GPC6: variants seen among roughly 807,000 people sequenced by gnomAD.
The protein encoded by GPC6 is glypican 6.
A neutral mutation model predicts 55.2 loss-of-function variants in GPC6; 14 were observed. That is an observed-to-expected ratio of 0.25 (90% CI 0.17 to 0.40). The LOEUF is 0.40. Among genes scored for constraint, GPC6 ranks in the 10% least tolerant of loss-of-function variants. The pLI is 1.00. For synonymous variants in GPC6, 278 were observed against 259.6 expected, an observed-to-expected ratio of 1.07 and a Z score of -0.68; for missense variants, 641 against 708.5, an observed-to-expected ratio of 0.90 and a Z score of 1.08.
intron 3 of GPC6, among the ~76,000 whole-genome samples, chr13:93,999,954 AT>A (rs1371060584): frequency 6.6e-6 from 1 of 152,192 alleles, no homozygotes; most frequent in African/African-American, 2.4e-5. Context: ...TTTTTTCCTC[AT>A]TTGGCAATTT....
intron 2 of GPC6, among the ~76,000 whole-genome samples, chr13:93,812,150 G>C (rs1005913447): frequency 1.8e-5 from 2 of 112,072 alleles, no homozygotes; most frequent in African/African-American, 3.4e-5. Flanking sequence ...GGTGGGGGGG[G>C]GGGCGGGGGG....
At chr13:93,553,384 G>A (rs1018297315) in intron 2 of GPC6, among the ~76,000 whole-genome samples, 2 of 152,000 alleles carry the variant, frequency 1.3e-5, no homozygotes, top group East Asian at 1.9e-4. Context: ...GGAATACTGC[G>A]ATGGGCAGGT....
chr13:94,370,631 A>G (rs1879500092), intron 6 of GPC6, among the ~76,000 whole-genome samples: 1 of 152,328 alleles, frequency 6.6e-6, no homozygotes, highest in Non-Finnish European at 1.5e-5. Flanking sequence ...GTTGAATGTT[A>G]TTGAATTTTT....
chr13:93,437,803 A>AT (rs1349836445), intron 1 of GPC6, among the ~76,000 whole-genome samples: 1 of 152,188 alleles, frequency 6.6e-6, no homozygotes, highest in East Asian at 1.9e-4. Context: ...TAAACAACAG[A>AT]TTTTCAATAT....
intron 1 of GPC6, among the ~76,000 whole-genome samples, chr13:93,270,830 T>C (rs1334275076): frequency 1.3e-5 from 2 of 152,084 alleles, no homozygotes; most frequent in East Asian, 3.9e-4. Flanking sequence ...TTCCATAGTT[T>C]AGCACCAGAT....
chr13:93,603,073 C>T (rs1878090081), intron 2 of GPC6, among the ~76,000 whole-genome samples: 2 of 151,794 alleles, frequency 1.3e-5, no homozygotes, highest in African/African-American at 2.4e-5. Flanking sequence ...GCAGTGGCAC[C>T]ATCACAGCTC....
intron 2 of GPC6, among the ~76,000 whole-genome samples, chr13:93,647,034 G>A (rs1209505171): frequency 1.3e-5 from 2 of 152,072 alleles, no homozygotes. Flanking sequence ...CAGGGACTCC[G>A]TGATATTAAT....
chr13:93,896,298 GA>G (rs1184233203), intron 3 of GPC6, among the ~76,000 whole-genome samples: 1 of 151,682 alleles, frequency 6.6e-6, no homozygotes, highest in African/African-American at 2.4e-5. Context: ...TTCTACAGTA[GA>G]AAAAAAATGT....
intron 1 of GPC6, among the ~76,000 whole-genome samples, chr13:93,355,243 A>G (rs1880804039): frequency 1.3e-5 from 2 of 152,224 alleles, no homozygotes. Context: ...CGGGGGATAA[A>G]TAGCCATTTT....
rs148039827 is a variant in GPC6, at chr13:93,950,713, C to T, written c.712-77016C>T. Among the ~76,000 whole-genome samples the T allele has an allele frequency of 7.2e-3, 1,093 of 152,204 alleles. 14 individuals are homozygous for T. Among genetic ancestry groups the T allele is most frequent in the African/African-American group, 0.025 (1,026 of 41,524 alleles). On this transcript the variant is annotated intron_variant, in intron 3 of 8. Transcript: ENST00000377047. ...TATATTTTCATGATTCTGGCTTTAT[C>T]GTGGTTTCATCATCTGTGACCTTCT...
rs79817155 is a variant in GPC6 at position 93,364,276 on chromosome 13, C to T, written c.160+136660C>T. ...AAAGATTATTCTTGGTGGATGAAGA[C>T]GAAAATGATTTTTGGTTTAGTCACC... On this transcript the variant is annotated intron_variant, in intron 1 of 8. Transcript: ENST00000377047. Among the ~76,000 whole-genome samples the T allele has an allele frequency of 3.5e-3, 531 of 151,974 alleles. 5 individuals are homozygous for T. Among genetic ancestry groups the T allele is most frequent in the African/African-American group, 0.012 (502 of 41,456 alleles).
intron 4 of GPC6, among the ~76,000 whole-genome samples, chr13:94,251,892 A>G (rs1363636935): frequency 6.6e-6 from 1 of 151,854 alleles, no homozygotes; most frequent in Non-Finnish European, 1.5e-5. Context: ...TCCTGCTGCA[A>G]AATCCATCGA....
At chr13:93,848,745 A>G (rs367848500) in intron 3 of GPC6, among the ~76,000 whole-genome samples, 1 of 152,062 alleles carries the variant, frequency 6.6e-6, no homozygotes, top group Non-Finnish European at 1.5e-5. Flanking sequence ...TGGTATCTTT[A>G]GTCCCAACTC....
At chr13:93,884,760 A>G (rs1875219865) in intron 3 of GPC6, among the ~76,000 whole-genome samples, 1 of 152,102 alleles carries the variant, frequency 6.6e-6, no homozygotes, top group African/African-American at 2.4e-5. Flanking sequence ...TCAGTGTTCA[A>G]TGCTAAATTA....
At chr13:94,377,256 GCAACCTA>G (rs899629446) in intron 6 of GPC6, among the ~76,000 whole-genome samples, 3 of 146,768 alleles carry the variant, frequency 2.0e-5, no homozygotes, top group African/African-American at 7.6e-5. Flanking sequence ...GAGTGAACAG[GCAACCTA>G]CAAAATGGGA....
intron 4 of GPC6, among the ~76,000 whole-genome samples, chr13:94,062,955 A>G (rs1291550759): frequency 1.3e-5 from 2 of 152,218 alleles, no homozygotes; most frequent in Non-Finnish European, 2.9e-5. Context: ...CAATTTTACA[A>G]GAGAAATAAT....
intron 4 of GPC6, among the ~76,000 whole-genome samples, chr13:94,120,562 A>G (rs1300612422): frequency 1.3e-5 from 2 of 152,020 alleles, no homozygotes; most frequent in African/African-American, 4.8e-5. Context: ...CTGGTATGAA[A>G]TCAATGTGGG....
At chr13:93,603,402 T>C (rs931475977) in intron 2 of GPC6, among the ~76,000 whole-genome samples, 1 of 152,230 alleles carries the variant, frequency 6.6e-6, no homozygotes, top group African/African-American at 2.4e-5. Context: ...CAATTAGTTG[T>C]TTTAAGTATT....
chr13:94,175,986 A>C (rs7324635), intron 4 of GPC6, among the ~76,000 whole-genome samples: 65,626 of 131,030 alleles, frequency 0.5, 16,368 homozygotes, highest in East Asian at 0.65. Context: ...AGAGAGAGAG[A>C]GAGAGAGCGA....
Sources: allele counts gnomAD v4.1 joint callset (sites outside exome capture counted in the v4.1 genomes callset), GRCh38; gene constraint gnomAD v4.1.1; transcripts MANE v1.5; gene names NCBI Gene and HGNC (gene_info 2026-07-23, HGNC 2026-07-21).